Variants in ALKBH3 observed in about 807,000 individuals in gnomAD.
ALKBH3 encodes alpha-ketoglutarate-dependent dioxygenase alkB homolog 3.
ALKBH3 carries 51 observed loss-of-function variants against 43.9 expected under a neutral mutation model. That is an observed-to-expected ratio of 1.16 (90% CI 0.93 to 1.47). The LOEUF is 1.47. ALKBH3 is among the 40% of genes most tolerant of loss of function. The pLI is 0.00. For synonymous variants in ALKBH3, 102 were observed against 115.2 expected (o/e 0.89, Z 0.73); for missense variants, 361 against 351.9 (o/e 1.03, Z -0.21).
rs780383605 is a variant in ALKBH3, at chr11:43,920,011, C to T, written c.*1C>T. 54 of 1,612,502 alleles carry T rather than the reference C, an allele frequency of 3.3e-5. No individual in the cohort carries two copies. The highest frequency in any genetic ancestry group is 1.6e-4 in the Middle Eastern group (1 of 6,082). ...AGACCCTCGAGGGGCACCCTGGTGA[C>T]GTCAGAGCTTTGAGAGAGAAGCTTC... On this transcript the variant is annotated 3_prime_UTR_variant, in exon 10 of 10. Transcript: ENST00000302708.
At position 43,899,330 on chromosome 11, in the gene ALKBH3, C is replaced by T; in HGVS notation, c.460-2186C>T. ...CCTCTGCATCCTGCAGTGGAAATTC[C>T]ACAGCATGCCCGTGTGCACCATCAG... On this transcript the variant is annotated intron_variant, in intron 7 of 9. Coordinates refer to ENST00000302708, the MANE Select transcript of ALKBH3 (RefSeq NM_139178.4). 1.0e-5 allele frequency: 7 copies of T among 696,388 alleles called. No homozygotes were observed. In the South Asian group the frequency reaches 1.0e-4, roughly 10 times the overall value. 43.1% of individuals were successfully genotyped at this position (696,388 alleles called of 1,614,324 possible). A position where few individuals can be genotyped will look rare whatever the true frequency, so the allele number is the denominator to read the frequency against.
chr11:43,881,524 A>G (rs988716522), intron 1 of ALKBH3: 2 of 152,300 alleles, frequency 1.3e-5, no homozygotes, highest in African/African-American at 4.8e-5. Flanking sequence ...AGAACATGTC[A>G]AACGGGAGCT....
intron 8 of ALKBH3, among the ~76,000 whole-genome samples, chr11:43,917,695 G>C (rs1455924270): frequency 6.6e-6 from 1 of 152,094 alleles, no homozygotes; most frequent in Non-Finnish European, 1.5e-5. Flanking sequence ...ATGGAGCTGG[G>C]CTGCAGTGAG....
At chr11:43,899,585 G>A (rs1008958094) in intron 7 of ALKBH3, 10 of 597,740 alleles carry the variant, frequency 1.7e-5, no homozygotes, top group Non-Finnish European at 3.1e-5. Flanking sequence ...TGCACCTAGT[G>A]TGCAGAGGAG....
Position 43,901,608 on chromosome 11 carries a change from G to A in ALKBH3, c.552G>A (p.Glu184=), listed in dbSNP as rs778056760. The part of the protein sequence containing the change: ...NSLLCNLYRN[E]KDSVDWHSDD... ...TACTCTGCAATCTTTATCGCAATGA[G>A]AAGGACAGCGTGGACTGGCACAGTG... The change falls in exon 8 of 10, where the codon GAG becomes GAA. Residue 184 remains glutamate, a synonymous_variant. Transcript: ENST00000302708. 41 of 1,614,116 alleles carry A rather than the reference G, an allele frequency of 2.5e-5. No homozygotes were observed. The highest frequency in any genetic ancestry group is 3.4e-6 in the Non-Finnish European group (4 of 1,180,052).
chr11:43,883,046 CTT>C (rs745544850), intron 2 of ALKBH3, 37 bp from the exon 3 acceptor site: 13 of 1,560,860 alleles, frequency 8.3e-6, no homozygotes, highest in Non-Finnish European at 1.1e-5. Flanking sequence ...TGAGAACAGA[CTT>C]TCCCCTGGTT....
Position 43,919,918 on chromosome 11 carries a change from C to G in ALKBH3, c.769C>G (p.His257Asp). 6.2e-7 allele frequency: 1 copy of G among 1,613,560 alleles called. No individual in the cohort carries two copies. Among genetic ancestry groups the G allele is most frequent in the African/African-American group, 1.3e-5 (1 of 75,032 alleles). ...MEGATQADWQ[H>D]RVPKEYHSRE... Reference sequence around the variant, plus strand: ...CAGAGTTATGTGTATTTCCATTTAGCATCGAGTGCCCAAAGAATACCACTC... The same window carrying G: ...CAGAGTTATGTGTATTTCCATTTAGGATCGAGTGCCCAAAGAATACCACTC... Residue 257 changes from histidine (H) to aspartate (D), a missense_variant and splice_region_variant, in exon 10 of 10, where the codon CAT becomes GAT. By Grantham distance (81) the His-to-Asp change is moderately conservative (BLOSUM62 -1). Coordinates refer to ENST00000302708, the MANE Select transcript of ALKBH3 (RefSeq NM_139178.4).
At chr11:43,883,024 A>C in intron 2 of ALKBH3, 61 bp from the exon 3 acceptor site, 2 of 1,376,754 alleles carry the variant, frequency 1.5e-6, no homozygotes, top group Non-Finnish European at 2.0e-6. Context: ...GCCCTTGCTC[A>C]GTAGAAGGTG....
At chr11:43,889,111 C>A (rs139035125) in intron 5 of ALKBH3, among the ~76,000 whole-genome samples, 1 of 152,152 alleles carries the variant, frequency 6.6e-6, no homozygotes, top group Non-Finnish European at 1.5e-5. Flanking sequence ...TCACTGCAAC[C>A]TCCACCCCCG....
intron 7 of ALKBH3, chr11:43,898,390 C>T (rs1951835126): frequency 4.3e-6 from 3 of 700,014 alleles, no homozygotes; most frequent in Non-Finnish European, 5.2e-6. Context: ...GGCCGTTCCA[C>T]AGGTCCTTCA....
At chr11:43,898,106 G>T in intron 7 of ALKBH3, 1 of 1,083,816 alleles carries the variant, frequency 9.2e-7, no homozygotes, top group Non-Finnish European at 1.4e-6. Context: ...AGCAGCCCCA[G>T]TGCACCTGAG....
chr11:43,911,271 G>C (rs1374607113), intron 8 of ALKBH3, among the ~76,000 whole-genome samples: 1 of 152,204 alleles, frequency 6.6e-6, no homozygotes, highest in Non-Finnish European at 1.5e-5. Flanking sequence ...TTCTGAGGAT[G>C]AATCAACAGA....
chr11:43,905,524 T>A (rs1475134069), intron 8 of ALKBH3, among the ~76,000 whole-genome samples: 1 of 152,156 alleles, frequency 6.6e-6, no homozygotes, highest in Non-Finnish European at 1.5e-5. Context: ...TACCCTTTCC[T>A]TTAATGATAT....
intron 7 of ALKBH3, among the ~76,000 whole-genome samples, chr11:43,896,614 A>C (rs1428068474): frequency 6.6e-6 from 1 of 152,272 alleles, no homozygotes; most frequent in Middle Eastern, 3.4e-3. Context: ...TCTTTTTGCA[A>C]CACCCTCACA....
chr11:43,913,078 TGAGATACAGTAA>T (rs1328905065), intron 8 of ALKBH3, among the ~76,000 whole-genome samples: 1 of 147,634 alleles, frequency 6.8e-6, no homozygotes, highest in Non-Finnish European at 1.5e-5. Context: ...CAGACATAAA[TGAGATACAGTAA>T]ATAATTTCCA....
At chr11:43,893,010 T>A (rs1951794605) in intron 7 of ALKBH3, among the ~76,000 whole-genome samples, 1 of 152,214 alleles carries the variant, frequency 6.6e-6, no homozygotes, top group Non-Finnish European at 1.5e-5. Flanking sequence ...TATCTGAGGT[T>A]GATTTTGAAA....
chr11:43,908,743 T>C (rs1951914746), intron 8 of ALKBH3, among the ~76,000 whole-genome samples: 1 of 152,242 alleles, frequency 6.6e-6, no homozygotes, highest in African/African-American at 2.4e-5. Context: ...GCAATAAGTC[T>C]GAACAGTAAA....
At chr11:43,918,761 A>G (rs889115876) in intron 8 of ALKBH3, 40 of 329,514 alleles carry the variant, frequency 1.2e-4, no homozygotes, top group African/African-American at 7.8e-4. Context: ...CTGCATGCCA[A>G]TCTTCAAGGG....
intron 3 of ALKBH3, 97 bp from the exon 4 acceptor site, chr11:43,883,886 T>G: frequency 6.8e-7 from 1 of 1,460,436 alleles, no homozygotes; most frequent in Non-Finnish European, 9.5e-7. Context: ...GAGATAGTTT[T>G]TAACTTTATT....
Sources: allele counts gnomAD v4.1 joint callset (sites outside exome capture counted in the v4.1 genomes callset), GRCh38; gene constraint gnomAD v4.1.1; transcripts MANE v1.5; gene names NCBI Gene and HGNC (gene_info 2026-07-23, HGNC 2026-07-21).